Variants in TSPAN5 observed in about 807,000 individuals in gnomAD.
TSPAN5 encodes tetraspanin-5.
Under a neutral mutation model 37.1 loss-of-function variants are expected in TSPAN5, and 10 were observed. The ratio of observed to expected loss-of-function variants is 0.27; its 90% CI spans 0.17 to 0.46. The LOEUF (loss-of-function observed/expected upper bound fraction) is 0.46, where lower values mean the gene tolerates loss of function less well. TSPAN5 is among the 20% of genes least tolerant of loss of function. The pLI is 1.00. For missense variants in TSPAN5, 195 were observed against 326.6 expected, an observed-to-expected ratio of 0.60 and a Z score of 3.11; for synonymous variants, 110 against 118.9, an observed-to-expected ratio of 0.93 and a Z score of 0.48.
At chr4:98,525,286 T>C (rs550257853) in intron 1 of TSPAN5, among the ~76,000 whole-genome samples, 1 of 152,350 alleles carries the variant, frequency 6.6e-6, no homozygotes, top group South Asian at 2.1e-4. Flanking sequence ...GTAACATTGA[T>C]GAGAGGCCGG....
At position 98,489,713 on chromosome 4, in the gene TSPAN5, T is replaced by C. The variant is rs531695483; in HGVS notation, c.133-2829A>G. Among the ~76,000 whole-genome samples the C allele has an allele frequency of 9.2e-5, 14 of 152,090 alleles. 1 individual carries two copies. The South Asian group carries it at 2.9e-3, about 32-fold the overall frequency. On this transcript the variant is annotated intron_variant, in intron 2 of 7. Transcript: ENST00000305798. ...TCCTAATCGGGCTAGAGGCTCGCCA[T>C]TGTTCCTGCACGGTCTAAGTGCCCA... is the stretch of plus-strand genomic sequence containing the variant.
In TSPAN5 at chr4:98,626,378, C is replaced by G. The variant is rs79454900; in HGVS notation, c.81+31768G>C. Among the ~76,000 whole-genome samples, 852 of 152,292 alleles carry G rather than the reference C, an allele frequency of 5.6e-3. 6 individuals carry two copies. Among genetic ancestry groups the G allele is most frequent in the Non-Finnish European group, 9.8e-3 (668 of 68,026 alleles). On this transcript the variant is annotated intron_variant, in intron 1 of 7. Coordinates refer to ENST00000305798, the MANE Select transcript of TSPAN5 (RefSeq NM_005723.4). ...TAACCTTGACCCCATCCCTACATAC[C>G]TGCTTATTCCGTAAACAACAAAAGG...
intron 1 of TSPAN5, among the ~76,000 whole-genome samples, chr4:98,598,562 T>C (rs1332622295): frequency 1.3e-5 from 2 of 152,056 alleles, no homozygotes; most frequent in Admixed American, 6.6e-5. Flanking sequence ...CCTCCCGGGC[T>C]CAAGCAATTC....
chr4:98,528,259 AG>A (rs1754006525), intron 1 of TSPAN5, among the ~76,000 whole-genome samples: 1 of 152,234 alleles, frequency 6.6e-6, no homozygotes, highest in South Asian at 2.1e-4. Flanking sequence ...TAGATCCTCA[AG>A]GTTGACATAA....
At chr4:98,548,768 TG>T (rs1159712167) in intron 1 of TSPAN5, among the ~76,000 whole-genome samples, 2 of 152,216 alleles carry the variant, frequency 1.3e-5, no homozygotes, top group African/African-American at 4.8e-5. Flanking sequence ...AGTGAGAATG[TG>T]TGGCATTTGC....
rs1757101872 is a variant in TSPAN5, at chr4:98,647,840, G to C, written c.81+10306C>G. On this transcript the variant is annotated intron_variant, in intron 1 of 7. Coordinates refer to ENST00000305798, the MANE Select transcript of TSPAN5 (RefSeq NM_005723.4). The stretch of plus-strand genomic sequence containing the variant: ...TACCATTCTGGTTTGGTTTTGTTTG[G>C]TTGGCTTTTCTGTTTTGTTTTGTTT... 2.7e-5 allele frequency among the ~76,000 whole-genome samples: 4 copies of C among 149,752 alleles called. 1 individual carries two copies. The South Asian group carries it at 8.6e-4, about 32-fold the overall frequency.
chr4:98,639,690 C>A (rs546249783), intron 1 of TSPAN5, among the ~76,000 whole-genome samples: 1 of 152,274 alleles, frequency 6.6e-6, no homozygotes, highest in South Asian at 2.1e-4. Context: ...ATCCTTCGCT[C>A]AATATGGTGA....
At chr4:98,588,015 G>A (rs776251983) in intron 1 of TSPAN5, among the ~76,000 whole-genome samples, 17 of 152,128 alleles carry the variant, frequency 1.1e-4, no homozygotes, top group Non-Finnish European at 4.4e-5. Flanking sequence ...TACACTTCTT[G>A]CCCTGTCCTT....
chr4:98,544,405 C>CTG lies in TSPAN5; in HGVS notation c.82-36679_82-36678dup, dbSNP rs370196369. On this transcript the variant is annotated intron_variant, in intron 1 of 7. Transcript: ENST00000305798. ...ACTGTCAACCATTTCATCTGTGTGTCTGTGTGTGTGTGTGTATAGGGGAAG... is the reference window on the plus strand; with the variant it reads ...ACTGTCAACCATTTCATCTGTGTGTCTGTGTGTGTGTGTGTGTATAGGGGAAG... Among the ~76,000 whole-genome samples the CTG allele has an allele frequency of 7.7e-4, 116 of 151,616 alleles. 1 individual carries two copies. Among genetic ancestry groups the CTG allele is most frequent in the Middle Eastern group, 6.9e-3 (2 of 290 alleles).
chr4:98,577,547 G>A (rs1419222931), intron 1 of TSPAN5, among the ~76,000 whole-genome samples: 1 of 152,178 alleles, frequency 6.6e-6, no homozygotes, highest in Non-Finnish European at 1.5e-5. Context: ...GTACCTATCA[G>A]GGTCCGTTTA....
intron 1 of TSPAN5, among the ~76,000 whole-genome samples, chr4:98,533,939 TAA>T (rs1194318640): frequency 2.2e-4 from 7 of 31,154 alleles, no homozygotes; most frequent in African/African-American, 5.5e-4. Flanking sequence ...TTGTTGATCT[TAA>T]AAAAAAAAAA....
intron 1 of TSPAN5, among the ~76,000 whole-genome samples, chr4:98,621,153 C>T (rs779680964): frequency 6.6e-6 from 1 of 152,032 alleles, no homozygotes; most frequent in Non-Finnish European, 1.5e-5. Flanking sequence ...GGTTTATACA[C>T]CACGGAATGA....
intron 1 of TSPAN5, among the ~76,000 whole-genome samples, chr4:98,624,638 AAGT>A (rs1756553873): frequency 6.6e-6 from 1 of 152,200 alleles, no homozygotes; most frequent in African/African-American, 2.4e-5. Context: ...ACATAAGAAA[AAGT>A]CTTCTCAATG....
chr4:98,509,886 G>C (rs1560517363), intron 1 of TSPAN5: 1 of 152,194 alleles, frequency 6.6e-6, no homozygotes, highest in Non-Finnish European at 1.5e-5. Flanking sequence ...CAGAGTTAAG[G>C]CTTTGACTTC....
At chr4:98,499,865 T>C (rs1753304736) in intron 2 of TSPAN5, among the ~76,000 whole-genome samples, 2 of 152,024 alleles carry the variant, frequency 1.3e-5, no homozygotes, top group Non-Finnish European at 2.9e-5. Context: ...TTTCACCGTG[T>C]TAGCCAGCAT....
At chr4:98,629,149 T>C (rs2110260103) in intron 1 of TSPAN5, among the ~76,000 whole-genome samples, 1 of 152,340 alleles carries the variant, frequency 6.6e-6, no homozygotes, top group South Asian at 2.1e-4. Context: ...ACAATAAGCA[T>C]AATTACTCTA....
intron 1 of TSPAN5, among the ~76,000 whole-genome samples, chr4:98,601,941 G>A (rs149387259): frequency 5.8e-4 from 88 of 152,258 alleles, no homozygotes; most frequent in Admixed American, 1.8e-3. Flanking sequence ...CAGGGAATAC[G>A]GAGGCCTGAG....
At chr4:98,600,870 G>A (rs995924583) in intron 1 of TSPAN5, among the ~76,000 whole-genome samples, 1 of 152,124 alleles carries the variant, frequency 6.6e-6, no homozygotes, top group Non-Finnish European at 1.5e-5. Context: ...TCACTATATA[G>A]TCTATGGCAG....
At chr4:98,598,210 C>CCGTCACCCCTTTCTTTGACT (rs1354590145) in intron 1 of TSPAN5, among the ~76,000 whole-genome samples, 1 of 141,160 alleles carries the variant, frequency 7.1e-6, no homozygotes. Flanking sequence ...CCAGGTGCGT[C>CCGTCACCCCTTTCTTTGACT]CGTCACCCCT....
Sources: allele counts gnomAD v4.1 joint callset (sites outside exome capture counted in the v4.1 genomes callset), GRCh38; gene constraint gnomAD v4.1.1; transcripts MANE v1.5; gene names NCBI Gene and HGNC (gene_info 2026-07-23, HGNC 2026-07-21).